ARHGAP18: variants seen among roughly 807,000 people sequenced by gnomAD.
The protein encoded by ARHGAP18 is rho GTPase-activating protein 18.
Under a neutral mutation model 86.2 loss-of-function variants are expected in ARHGAP18, and 67 were observed. The observed-to-expected ratio is 0.78, with a 90% CI of 0.64 to 0.95. ARHGAP18 has a LOEUF of 0.95. ARHGAP18 is among the 40% of genes least tolerant of loss of function. ARHGAP18 has a pLI of 0.00. For synonymous variants in ARHGAP18, 283 were observed against 280.4 expected (o/e 1.01, Z -0.09); for missense variants, 691 against 780.4 (o/e 0.89, Z 1.37).
At chr6:129,630,019 T>C (rs1349482228) in intron 4 of ARHGAP18, among the ~76,000 whole-genome samples, 2 of 152,188 alleles carry the variant, frequency 1.3e-5, no homozygotes, top group Non-Finnish European at 2.9e-5. Context: ...GAATATTACC[T>C]ACCTATCATA....
Position 129,634,096 on chromosome 6 carries a change from C to T in ARHGAP18, c.562G>A (p.Gly188Ser), listed in dbSNP as rs1773278963. Reference protein sequence around the residue: ...QRESKETAPGGTESQSLRTNE... With the variant: ...QRESKETAPGSTESQSLRTNE... The stretch of plus-strand genomic sequence containing the variant: ...GTTCTAAGTGACTGCGATTCAGTGC[C>T]ACCTGGAGCCTAAACATAGAAAACA... The change falls in exon 4 of 15, where the codon GGC (glycine) becomes AGC (serine). Residue 188 changes from glycine (G) to serine (S), a missense_variant. Gly to Ser is a moderately conservative substitution (Grantham distance 56). Coordinates refer to ENST00000368149, the MANE Select transcript of ARHGAP18 (RefSeq NM_033515.3). 6 of 1,613,446 alleles carry T rather than the reference C, an allele frequency of 3.7e-6. No individual in the cohort carries two copies. The highest frequency in any genetic ancestry group is 5.1e-6 in the Non-Finnish European group (6 of 1,179,794).
At chr6:129,599,127 G>T in intron 12 of ARHGAP18, 89 bp downstream of exon 12, 1 of 1,135,900 alleles carries the variant, frequency 8.8e-7, no homozygotes, top group Non-Finnish European at 1.2e-6. Context: ...GTGGCAGAAA[G>T]TCATACTATG....
chr6:129,636,169 A>C (rs193257331), intron 3 of ARHGAP18, among the ~76,000 whole-genome samples: 2 of 152,362 alleles, frequency 1.3e-5, no homozygotes, highest in East Asian at 3.9e-4. Context: ...TGGATATCCC[A>C]AATAACCACT....
intron 1 of ARHGAP18, among the ~76,000 whole-genome samples, chr6:129,692,137 T>C (rs1774540218): frequency 6.6e-6 from 1 of 152,230 alleles, no homozygotes. Flanking sequence ...CCCTCTTTCT[T>C]TGAATGACAA....
At chr6:129,701,710 C>T (rs1161827095) in intron 1 of ARHGAP18, among the ~76,000 whole-genome samples, 2 of 152,066 alleles carry the variant, frequency 1.3e-5, no homozygotes, top group East Asian at 3.9e-4. Flanking sequence ...GTGGAGGTTG[C>T]AGTGGGCTGA....
chr6:129,621,484 G>T (rs533462523), intron 5 of ARHGAP18, among the ~76,000 whole-genome samples: 100 of 152,208 alleles, frequency 6.6e-4, no homozygotes, highest in Non-Finnish European at 1.2e-3. Flanking sequence ...CACTGCACAG[G>T]GCTCAAGAGA....
In ARHGAP18 at chr6:129,634,056, T is replaced by C; in HGVS notation, c.602A>G (p.Tyr201Cys). The C allele has an allele frequency of 1.9e-6, 3 of 1,611,828 alleles. No homozygotes were observed. Among genetic ancestry groups the C allele is most frequent in the Non-Finnish European group, 2.5e-6 (3 of 1,179,418 alleles). Residue 201 changes from tyrosine (Y) to cysteine (C), a missense_variant, in exon 4 of 15, where the codon TAC becomes TGC. Transcript: ENST00000368149. The stretch of plus-strand genomic sequence containing the variant: ...GTTCAACATACCATCTCTTCCTTGG[T>C]ATTTGTTTTCATTTGTTCTAAGTGA... ...SQSLRTNENK[Y>C]QGRDDEASNL...
intron 9 of ARHGAP18, among the ~76,000 whole-genome samples, chr6:129,606,656 T>C (rs1788859677): frequency 6.6e-6 from 1 of 152,176 alleles, no homozygotes; most frequent in East Asian, 1.9e-4. Context: ...TTAAAAAATA[T>C]TTCCCACAGA....
intron 1 of ARHGAP18, among the ~76,000 whole-genome samples, chr6:129,667,320 T>C (rs1471050130): frequency 6.6e-6 from 1 of 152,164 alleles, no homozygotes; most frequent in Non-Finnish European, 1.5e-5. Flanking sequence ...ATAGATAGAA[T>C]TGAACTACAA....
chr6:129,578,458 C>A lies in ARHGAP18; in HGVS notation c.*55G>T. On this transcript the variant is annotated 3_prime_UTR_variant, in exon 15 of 15. Transcript: ENST00000368149. ...CCATTTCTTTTATTTACACTCTTGA[C>A]TCAGCAAGAATTATGACAGAAGTCC... 7.1e-7 allele frequency: 1 copy of A among 1,415,242 alleles called. No homozygotes were observed. Among genetic ancestry groups the A allele is most frequent in the Non-Finnish European group, 9.9e-7 (1 of 1,009,454 alleles). 87.7% of individuals were successfully genotyped at this position (1,415,242 alleles called of 1,614,324 possible). A position where few individuals can be genotyped will look rare whatever the true frequency, so the allele number is the denominator to read the frequency against.
intron 5 of ARHGAP18, among the ~76,000 whole-genome samples, chr6:129,625,436 A>T (rs866643866): frequency 1.6e-5 from 1 of 61,114 alleles, no homozygotes; most frequent in African/African-American, 8.4e-5. Flanking sequence ...ATTATATATA[A>T]TATATATTTT....
At chr6:129,654,593 G>A (rs1405655078) in intron 1 of ARHGAP18, among the ~76,000 whole-genome samples, 2 of 152,158 alleles carry the variant, frequency 1.3e-5, no homozygotes, top group African/African-American at 4.8e-5. Context: ...AGCTGAAGAA[G>A]AGCGTAAGTA....
intron 4 of ARHGAP18, among the ~76,000 whole-genome samples, chr6:129,631,327 T>G (rs1773200662): frequency 6.6e-6 from 1 of 151,842 alleles, no homozygotes; most frequent in Non-Finnish European, 1.5e-5. Flanking sequence ...ATGCCGAATG[T>G]AAAGCTGAGT....
rs1419143908 is a variant in ARHGAP18, at chr6:129,578,480, G to C, written c.*33C>G. On this transcript the variant is annotated 3_prime_UTR_variant, in exon 15 of 15. Coordinates refer to ENST00000368149, the MANE Select transcript of ARHGAP18 (RefSeq NM_033515.3). ...TGACTCAGCAAGAATTATGACAGAA[G>C]TCCACATGGTTATCTGCAGCTTGTT... 1.3e-6 allele frequency: 2 copies of C among 1,541,960 alleles called. No individual in the cohort carries two copies. The highest frequency in any genetic ancestry group is 1.8e-6 in the Non-Finnish European group (2 of 1,119,172).
chr6:129,625,674 AT>A (rs1178348087), intron 5 of ARHGAP18, among the ~76,000 whole-genome samples: 1 of 45,812 alleles, frequency 2.2e-5, no homozygotes, highest in African/African-American at 6.8e-5. Context: ...TTTATATTAT[AT>A]TATATATATT....
At chr6:129,643,818 A>T (rs1048486699) in intron 1 of ARHGAP18, among the ~76,000 whole-genome samples, 5 of 152,238 alleles carry the variant, frequency 3.3e-5, no homozygotes, top group Non-Finnish European at 7.3e-5. Flanking sequence ...TTAAAATAGT[A>T]GGATTTTAAT....
chr6:129,692,708 A>G (rs547927561), intron 1 of ARHGAP18, among the ~76,000 whole-genome samples: 1 of 152,328 alleles, frequency 6.6e-6, no homozygotes, highest in East Asian at 1.9e-4. Flanking sequence ...CCTGGAAATC[A>G]TCTATTTATA....
intron 2 of ARHGAP18, among the ~76,000 whole-genome samples, chr6:129,639,881 C>CA (rs779427658): frequency 1.2e-4 from 18 of 151,530 alleles, no homozygotes; most frequent in Non-Finnish European, 1.6e-4. Flanking sequence ...CCCCTCTCTA[C>CA]AAAAAATACA....
chr6:129,671,785 G>A (rs1774146681), intron 1 of ARHGAP18, among the ~76,000 whole-genome samples: 1 of 152,196 alleles, frequency 6.6e-6, no homozygotes, highest in Non-Finnish European at 1.5e-5. Flanking sequence ...TCTCAGGAAT[G>A]CCAAATAGGT....
Sources: gnomAD v4.1 joint callset for allele counts (sites outside exome capture counted in the v4.1 genomes callset) on GRCh38, gnomAD v4.1.1 for gene constraint, MANE v1.5 for transcripts, NCBI Gene and HGNC (gene_info 2026-07-23, HGNC 2026-07-21) for gene names.